Variants in BUB1B observed in about 807,000 individuals in gnomAD.
BUB1B encodes mitotic checkpoint serine/threonine-protein kinase BUB1 beta.
In BUB1B, 86 loss-of-function variants were observed where a neutral mutation model predicts 137.7. The ratio of observed to expected loss-of-function variants is 0.62; its 90% CI spans 0.52 to 0.75. BUB1B has a LOEUF of 0.75. Among genes scored for constraint, BUB1B ranks in the 30% least tolerant of loss-of-function variants. The pLI is 0.00. For missense variants in BUB1B, 1,130 were observed against 1,236.9 expected (o/e 0.91, Z 1.30); for synonymous variants, 420 against 417.9 (o/e 1.00, Z -0.06).
chr15:40,206,579 C>A, intron 15 of BUB1B, 121 bp downstream of exon 15: 1 of 1,272,536 alleles, frequency 7.9e-7, no homozygotes, highest in Non-Finnish European at 1.1e-6. Flanking sequence ...GTGCTAAGTG[C>A]TTTACATGAG....
Position 40,206,181 on chromosome 15 carries a change from CAGG to C in BUB1B, c.1735-1_1736del. 2.5e-6 allele frequency: 4 copies of C among 1,613,978 alleles called. No individual in the cohort carries two copies. In the South Asian group the frequency reaches 4.4e-5, roughly 18 times the overall value. On this transcript the variant is annotated splice_acceptor_variant and coding_sequence_variant, in exon 15 of 23. Coordinates refer to ENST00000287598, the MANE Select transcript of BUB1B (RefSeq NM_001211.6). LOFTEE classifies it high-confidence loss of function. The stretch of plus-strand genomic sequence containing the variant: ...GCTAAACTTTATATGGTCTTTATTT[CAGG>C]ATGAATTTACAGGAATTGAACCCTT...
chr15:40,185,444 T>A (rs956453147), intron 7 of BUB1B, 65 bp downstream of exon 7: 44 of 1,590,544 alleles, frequency 2.8e-5, no homozygotes, highest in Admixed American at 1.8e-4. Flanking sequence ...GGTAGAGAAG[T>A]ATTTTTACCA....
At chr15:40,191,435 G>A (rs575906929) in intron 8 of BUB1B, among the ~76,000 whole-genome samples, 4 of 152,174 alleles carry the variant, frequency 2.6e-5, no homozygotes, top group Non-Finnish European at 5.9e-5. Context: ...TTTTCTCAAT[G>A]ATCTCTTTTG....
At chr15:40,167,284 C>T (rs1212514064) in intron 2 of BUB1B, among the ~76,000 whole-genome samples, 3 of 149,068 alleles carry the variant, frequency 2.0e-5, no homozygotes, top group African/African-American at 7.4e-5. Flanking sequence ...GAGACTTTTG[C>T]CTACCCCAAA....
chr15:40,163,182 C>G (rs145014388), intron 1 of BUB1B, among the ~76,000 whole-genome samples: 1,560 of 152,286 alleles, frequency 0.01, 15 homozygotes, highest in Non-Finnish European at 0.014. Flanking sequence ...TGGTTCCTCT[C>G]TGAGTTGCTG....
At chr15:40,176,211 C>T (rs2037221638) in intron 4 of BUB1B, among the ~76,000 whole-genome samples, 1 of 152,166 alleles carries the variant, frequency 6.6e-6, no homozygotes, top group Non-Finnish European at 1.5e-5. Flanking sequence ...CCTACCTCGG[C>T]CTCACAAAGT....
intron 15 of BUB1B, among the ~76,000 whole-genome samples, chr15:40,207,439 C>CT (rs1566826882): frequency 6.6e-6 from 1 of 150,932 alleles, no homozygotes; most frequent in Non-Finnish European, 1.5e-5. Flanking sequence ...CTCAAAAAAA[C>CT]TTTTTTTTGA....
intron 6 of BUB1B, among the ~76,000 whole-genome samples, chr15:40,184,481 T>A (rs532387224): frequency 6.6e-6 from 1 of 152,256 alleles, no homozygotes; most frequent in Admixed American, 6.5e-5. Context: ...ACACTGACTA[T>A]TTTTTAGAGT....
At chr15:40,165,947 G>T (rs1428769773) in intron 2 of BUB1B, among the ~76,000 whole-genome samples, 1 of 148,590 alleles carries the variant, frequency 6.7e-6, no homozygotes, top group South Asian at 2.1e-4. Context: ...CTGCCTCCCG[G>T]TTTTAAGTGA....
chr15:40,186,677 C>T (rs926809471), intron 8 of BUB1B, among the ~76,000 whole-genome samples: 7 of 151,182 alleles, frequency 4.6e-5, no homozygotes, highest in Non-Finnish European at 1.0e-4. Context: ...GATCTCCTGA[C>T]CTAGTGATCC....
intron 8 of BUB1B, among the ~76,000 whole-genome samples, chr15:40,191,361 GA>G (rs2037435609): frequency 6.6e-6 from 1 of 152,124 alleles, no homozygotes; most frequent in Non-Finnish European, 1.5e-5. Flanking sequence ...ATGTATTCTA[GA>G]TACAACTTCT....
At chr15:40,199,771 C>A in intron 10 of BUB1B, 44 bp downstream of exon 10, 1 of 1,362,832 alleles carries the variant, frequency 7.3e-7, no homozygotes, top group Non-Finnish European at 1.0e-6. Context: ...TTTATTGAAA[C>A]AAATTTAAAC....
chr15:40,196,542 T>C lies in BUB1B; in HGVS notation c.1059-3T>C, dbSNP rs1240037577. The C allele has an allele frequency of 1.2e-6, 2 of 1,612,798 alleles. No homozygotes were observed. The highest frequency in any genetic ancestry group is 1.7e-6 in the Non-Finnish European group (2 of 1,179,030). ...ATGAATAATAGTAATTTTGCTTCTT[T>C]AGGACACCATGTAAAATTGAACCTA... On this transcript the variant is annotated splice_polypyrimidine_tract_variant and splice_region_variant and intron_variant, in intron 8 of 22. Transcript: ENST00000287598.
chr15:40,161,295 G>T, intron 1 of BUB1B, 40 bp downstream of exon 1: 2 of 1,601,680 alleles, frequency 1.2e-6, no homozygotes, highest in Middle Eastern at 1.7e-4. Flanking sequence ...GGGCCTGAGA[G>T]GACACGGCCT....
chr15:40,161,177 G>A lies in BUB1B; in HGVS notation c.-44G>A. The stretch of plus-strand genomic sequence containing the variant: ...AAGCCCAGGCGGTCTGTGGCCCAGA[G>A]GAAAGGCCTGCAGCAGGACGAGGAC... On this transcript the variant is annotated 5_prime_UTR_variant, in exon 1 of 23. Coordinates refer to ENST00000287598, the MANE Select transcript of BUB1B (RefSeq NM_001211.6). 1 of 1,609,932 alleles carries A rather than the reference G, an allele frequency of 6.2e-7. No individual in the cohort carries two copies. Among genetic ancestry groups the A allele is most frequent in the Non-Finnish European group, 8.5e-7 (1 of 1,178,058 alleles).
At chr15:40,193,703 C>T (rs80072784) in intron 8 of BUB1B, among the ~76,000 whole-genome samples, 1,890 of 151,570 alleles carry the variant, frequency 0.012, 45 homozygotes, top group African/African-American at 0.043. Flanking sequence ...GTCAGGAGTT[C>T]GCCAACATGG....
At chr15:40,210,505 T>TA (rs2037697330) in intron 18 of BUB1B, among the ~76,000 whole-genome samples, 1 of 152,162 alleles carries the variant, frequency 6.6e-6, no homozygotes, top group South Asian at 2.1e-4. Flanking sequence ...ATTGGATACC[T>TA]AGTTTCTTTT....
intron 20 of BUB1B, among the ~76,000 whole-genome samples, chr15:40,214,133 G>A (rs953586243): frequency 1.3e-5 from 2 of 152,140 alleles, no homozygotes; most frequent in Admixed American, 6.5e-5. Context: ...CAAAATCAAG[G>A]CACTACTCAG....
chr15:40,211,107 T>C (rs1440342294), intron 18 of BUB1B, among the ~76,000 whole-genome samples: 1 of 152,170 alleles, frequency 6.6e-6, no homozygotes, highest in Non-Finnish European at 1.5e-5. Flanking sequence ...CTCTAAAAAT[T>C]TAACTTTTTT....
Sources: gnomAD v4.1 joint callset for allele counts (sites outside exome capture counted in the v4.1 genomes callset) on GRCh38, gnomAD v4.1.1 for gene constraint, MANE v1.5 for transcripts, NCBI Gene and HGNC (gene_info 2026-07-23, HGNC 2026-07-21) for gene names.